IMMP1L: variants seen among roughly 807,000 people sequenced by gnomAD.
IMMP1L encodes the protein inner mitochondrial membrane peptidase subunit 1.
IMMP1L carries 24 observed loss-of-function variants against 21.8 expected under a neutral mutation model. The ratio of observed to expected loss-of-function variants is 1.10; its 90% CI spans 0.80 to 1.55. The LOEUF (loss-of-function observed/expected upper bound fraction) is 1.55, where lower values mean the gene tolerates loss of function less well. Ranked by LOEUF, IMMP1L falls within the 40% of genes most tolerant of loss-of-function variation. The pLI, the probability that IMMP1L is intolerant of heterozygous loss-of-function variation, is 0.00. For missense variants in IMMP1L, 195 were observed against 200.7 expected, an observed-to-expected ratio of 0.97 and a Z score of 0.17; for synonymous variants, 46 against 62.8, an observed-to-expected ratio of 0.73 and a Z score of 1.26.
At chr11:31,450,822 A>G (rs1405481558) in intron 4 of IMMP1L, among the ~76,000 whole-genome samples, 1 of 152,162 alleles carries the variant, frequency 6.6e-6, no homozygotes, top group Non-Finnish European at 1.5e-5. Context: ...CTAGCACCCT[A>G]TTCATATATA....
chr11:31,480,372 T>C (rs1169144991), intron 1 of IMMP1L, among the ~76,000 whole-genome samples: 2 of 152,036 alleles, frequency 1.3e-5, no homozygotes, highest in African/African-American at 2.4e-5. Context: ...AAAAATCCTT[T>C]AATAAAAAGC....
intron 3 of IMMP1L, among the ~76,000 whole-genome samples, chr11:31,456,961 A>AG (rs56200246): frequency 6.8e-6 from 1 of 147,292 alleles, no homozygotes; most frequent in African/African-American, 2.5e-5. Context: ...AAAAAGAAAA[A>AG]AAAACCCTCC....
At chr11:31,436,301 TCA>T (rs1953115250) in intron 4 of IMMP1L, among the ~76,000 whole-genome samples, 1 of 152,224 alleles carries the variant, frequency 6.6e-6, no homozygotes, top group Admixed American at 6.5e-5. Context: ...AAAGTGGAAC[TCA>T]GATATTTGCT....
At chr11:31,491,862 A>G (rs1317062306) in intron 1 of IMMP1L, among the ~76,000 whole-genome samples, 1 of 152,194 alleles carries the variant, frequency 6.6e-6, no homozygotes. Context: ...CTAGACATAC[A>G]TGGGAGACCC....
At chr11:31,445,531 T>C (rs1953484993) in intron 4 of IMMP1L, among the ~76,000 whole-genome samples, 1 of 152,174 alleles carries the variant, frequency 6.6e-6, no homozygotes. Context: ...AATAAATATG[T>C]AGGTATTTTT....
At chr11:31,474,632 C>T (rs1165161734) in intron 1 of IMMP1L, among the ~76,000 whole-genome samples, 1 of 152,010 alleles carries the variant, frequency 6.6e-6, no homozygotes. Flanking sequence ...CTGAGGTGGG[C>T]CATGATCTTA....
At chr11:31,447,997 T>C (rs1384636288) in intron 4 of IMMP1L, among the ~76,000 whole-genome samples, 5 of 152,154 alleles carry the variant, frequency 3.3e-5, no homozygotes, top group Non-Finnish European at 7.4e-5. Context: ...CAGCAGTTTT[T>C]CCAGTAGATC....
chr11:31,452,526 T>C (rs1953791219), intron 4 of IMMP1L: 3 of 985,426 alleles, frequency 3.0e-6, no homozygotes, highest in African/African-American at 3.5e-5. Context: ...AAATTATTTT[T>C]TCTGATAAAG....
intron 1 of IMMP1L, among the ~76,000 whole-genome samples, chr11:31,489,153 T>C (rs1301917550): frequency 6.6e-6 from 1 of 152,096 alleles, no homozygotes; most frequent in Non-Finnish European, 1.5e-5. Context: ...TGCCTCAGCC[T>C]CCCAAAGTGC....
chr11:31,490,021 A>G (rs969952022), intron 1 of IMMP1L, among the ~76,000 whole-genome samples: 2 of 152,196 alleles, frequency 1.3e-5, no homozygotes, highest in Non-Finnish European at 2.9e-5. Context: ...TCTCACATCT[A>G]ATCTCTAATC....
intron 4 of IMMP1L, among the ~76,000 whole-genome samples, chr11:31,434,072 T>C (rs973952234): frequency 6.6e-6 from 1 of 152,236 alleles, no homozygotes; most frequent in Non-Finnish European, 1.5e-5. Flanking sequence ...CATCATTTTA[T>C]TGGAGTAGGC....
At chr11:31,497,095 C>T (rs942151020) in intron 1 of IMMP1L, among the ~76,000 whole-genome samples, 4 of 151,138 alleles carry the variant, frequency 2.6e-5, no homozygotes, top group Non-Finnish European at 4.4e-5. Context: ...AATGGTTTCA[C>T]TTATGATTTT....
chr11:31,494,591 C>T (rs565880059), intron 1 of IMMP1L, among the ~76,000 whole-genome samples: 2 of 152,170 alleles, frequency 1.3e-5, no homozygotes, highest in Admixed American at 1.3e-4. Context: ...TTGAATTTCT[C>T]CCCAGAAAAT....
chr11:31,450,088 A>G (rs890938690), intron 4 of IMMP1L, among the ~76,000 whole-genome samples: 2 of 152,224 alleles, frequency 1.3e-5, no homozygotes, highest in Non-Finnish European at 2.9e-5. Flanking sequence ...TAAACCACAG[A>G]AAATCCTAGA....
intron 1 of IMMP1L, among the ~76,000 whole-genome samples, chr11:31,486,093 C>T: frequency 6.6e-6 from 1 of 150,686 alleles, no homozygotes; most frequent in South Asian, 2.1e-4. Flanking sequence ...TTACGATAGA[C>T]ATGCAACTTT....
chr11:31,461,027 T>C (rs1447643329), intron 2 of IMMP1L, among the ~76,000 whole-genome samples: 1 of 152,232 alleles, frequency 6.6e-6, no homozygotes, highest in Non-Finnish European at 1.5e-5. Context: ...ATCTCTCTCA[T>C]GTTCCTAGCT....
chr11:31,498,140 T>C (rs995527408), intron 1 of IMMP1L, among the ~76,000 whole-genome samples: 5 of 152,196 alleles, frequency 3.3e-5, no homozygotes, highest in Admixed American at 6.5e-5. Flanking sequence ...AATCCAACCT[T>C]AGAATACCAA....
chr11:31,493,204 T>C (rs1422567092), intron 1 of IMMP1L, among the ~76,000 whole-genome samples: 1 of 152,182 alleles, frequency 6.6e-6, no homozygotes, highest in Non-Finnish European at 1.5e-5. Context: ...GGGTAATTTA[T>C]AAAGAACAGA....
intron 1 of IMMP1L, among the ~76,000 whole-genome samples, chr11:31,464,246 T>C (rs960090555): frequency 2.0e-5 from 3 of 151,460 alleles, no homozygotes; most frequent in Admixed American, 6.6e-5. Flanking sequence ...CTAAGAGTAG[T>C]AAAGTAACTT....
Sources: allele counts gnomAD v4.1 joint callset (sites outside exome capture counted in the v4.1 genomes callset), GRCh38; gene constraint gnomAD v4.1.1; transcripts MANE v1.5; gene names NCBI Gene and HGNC (gene_info 2026-07-23, HGNC 2026-07-21).